The following CTNS variants were observed in gnomAD, a reference collection of about 807,000 sequenced individuals.
CTNS encodes the protein cystinosin, lysosomal cystine transporter, also known as cystinosin.
Under a neutral mutation model 43.7 loss-of-function variants are expected in CTNS, and 27 were observed. That is an observed-to-expected ratio of 0.62 (90% CI 0.46 to 0.85). CTNS has a LOEUF of 0.85. Ranked by LOEUF, CTNS falls within the 40% of genes least tolerant of loss-of-function variation. The probability of loss-of-function intolerance (pLI) is 0.00; values close to 1 mark genes in which losing one functional copy is unlikely to be tolerated. For missense variants in CTNS, 457 were observed against 475.4 expected (o/e 0.96, Z 0.36); for synonymous variants, 187 against 190.6 (o/e 0.98, Z 0.16).
At chr17:3,636,465 T>C (rs2075532271), upstream of CTNS, 2 of 476,678 alleles carry the variant, frequency 4.2e-6, no homozygotes, top group Non-Finnish European at 7.4e-6. Flanking sequence ...CCCCACGGGC[T>C]CTGATTTCCG....
Position 3,643,117 on chromosome 17 carries a change from A to G in CTNS, c.61+2850A>G, listed in dbSNP as rs571437485. Among the ~76,000 whole-genome samples the G allele has an allele frequency of 2.6e-5, 4 of 152,018 alleles. No individual in the cohort carries two copies. The South Asian group carries it at 8.3e-4, about 32-fold the overall frequency. On this transcript the variant is annotated intron_variant, in intron 3 of 11. Transcript: ENST00000046640. Reference sequence around the variant, plus strand: ...ATCACAAGGTCAGGAGATCGAGACTATCCTGGCTAACATGGTGAAATCCCG... The same window carrying G: ...ATCACAAGGTCAGGAGATCGAGACTGTCCTGGCTAACATGGTGAAATCCCG...
intron 10 of CTNS, 81 bp from the exon 11 acceptor site, chr17:3,659,777 T>C (rs887309327): frequency 2.1e-5 from 21 of 994,676 alleles, no homozygotes; most frequent in East Asian, 1.2e-4. Flanking sequence ...CGCTTTTGTT[T>C]GGAGGGGCAG....
chr17:3,641,887 C>G (rs756745086), intron 3 of CTNS, among the ~76,000 whole-genome samples: 3 of 152,084 alleles, frequency 2.0e-5, no homozygotes, highest in Non-Finnish European at 4.4e-5. Flanking sequence ...AAGCAATTTC[C>G]GGGAAAGGCA....
chr17:3,648,848 C>T lies in CTNS; in HGVS notation c.142C>T (p.Pro48Ser). The T allele has an allele frequency of 6.2e-7, 1 of 1,612,620 alleles. No homozygotes were observed. The highest frequency in any genetic ancestry group is 8.5e-7 in the Non-Finnish European group (1 of 1,178,570). The change falls in exon 5 of 12, where the codon CCA becomes TCA. Residue 48 changes from proline (P) to serine (S), a missense_variant and splice_region_variant. Transcript: ENST00000046640. ...SSTNVSLTLR[P>S]PLNATLVITF... ...TAATTAGACTCTTGTCCTCCACAGG[C>T]CACCATTAAATGCAACCCTGGTGAT...
At position 3,660,462 on chromosome 17, in the gene CTNS, C is replaced by A; in HGVS notation, c.*93C>A. 1 of 1,613,194 alleles carries A rather than the reference C, an allele frequency of 6.2e-7. No homozygotes were observed. On this transcript the variant is annotated 3_prime_UTR_variant, in exon 12 of 12. Transcript: ENST00000046640. The stretch of plus-strand genomic sequence containing the variant: ...GGCCGGAGAAGCGGTTGGGCCCTGG[C>A]ACACAGGGCTGGCTCAGTGTGCGGA...
intron 2 of CTNS, among the ~76,000 whole-genome samples, chr17:3,637,757 G>A (rs369573204): frequency 2.7e-4 from 41 of 152,150 alleles, no homozygotes; most frequent in Admixed American, 7.2e-4. Flanking sequence ...GTGAGCCACC[G>A]CGCCCAGCCT....
intron 9 of CTNS, chr17:3,657,752 C>G: frequency 1.8e-6 from 1 of 567,792 alleles, no homozygotes; most frequent in Non-Finnish European, 3.2e-6. Flanking sequence ...GCAGCCTGAA[C>G]AGGAGGCCCT....
At position 3,660,614 on chromosome 17, in the gene CTNS, A is replaced by C. The variant is rs1442092361; in HGVS notation, c.*245A>C. On this transcript the variant is annotated 3_prime_UTR_variant, in exon 12 of 12. Transcript: ENST00000046640. The stretch of plus-strand genomic sequence containing the variant: ...CTTGACACCGCCATCTCTTTTCTTT[A>C]AGGCTTCAGGCAGCGCGCACAGGCT... The C allele has an allele frequency of 6.2e-7, 1 of 1,613,438 alleles. No homozygotes were observed. The highest frequency in any genetic ancestry group is 1.1e-5 in the South Asian group (1 of 91,084).
chr17:3,657,841 C>T (rs2076190096), intron 9 of CTNS, 164 bp from the exon 10 acceptor site: 1 of 704,076 alleles, frequency 1.4e-6, no homozygotes, highest in African/African-American at 1.8e-5. Flanking sequence ...CCACATGTTC[C>T]CCTGCCACAA....
chr17:3,655,654 G>A (rs1004308159), intron 7 of CTNS: 8 of 425,774 alleles, frequency 1.9e-5, no homozygotes, highest in East Asian at 5.2e-5. Flanking sequence ...TCTCCTCTGC[G>A]CTGGGTCCAT....
In CTNS at chr17:3,647,514, C is replaced by T. The variant is rs756058217; in HGVS notation, c.132C>T (p.Leu44=). Residue 44 remains leucine (L), a synonymous_variant, in exon 4 of 12, where the codon CTC becomes CTT. Coordinates refer to ENST00000046640, the MANE Select transcript of CTNS (RefSeq NM_004937.3). ...ACGGCAGCTCGACCAACGTCAGCCTCACCCTGCGGTAAGTTCCTGGGCCTG... is the reference window on the plus strand; with the variant it reads ...ACGGCAGCTCGACCAACGTCAGCCTTACCCTGCGGTAAGTTCCTGGGCCTG... ...LENGSSTNVS[L]TLRPPLNATL... 10 of 1,614,098 alleles carry T rather than the reference C, an allele frequency of 6.2e-6. No homozygotes were observed. The highest frequency in any genetic ancestry group is 1.6e-4 in the Middle Eastern group (1 of 6,062).
chr17:3,645,577 G>A (rs961624530), intron 3 of CTNS, among the ~76,000 whole-genome samples: 2 of 151,946 alleles, frequency 1.3e-5, no homozygotes, highest in African/African-American at 2.4e-5. Context: ...GTTTCCTTCC[G>A]GGCCAGGTAT....
intron 3 of CTNS, among the ~76,000 whole-genome samples, chr17:3,643,967 G>A (rs768499840): frequency 2.4e-4 from 36 of 152,110 alleles, no homozygotes; most frequent in Non-Finnish European, 3.7e-4. Context: ...TGAGCCTGGC[G>A]GGGTCAAAGC....
intron 7 of CTNS, chr17:3,655,602 T>G: frequency 2.1e-6 from 1 of 481,864 alleles, no homozygotes; most frequent in Non-Finnish European, 3.8e-6. Context: ...CTCCTTAGTT[T>G]AGTGGAGAAT....
At chr17:3,645,646 T>C (rs1167185821) in intron 3 of CTNS, among the ~76,000 whole-genome samples, 1 of 151,892 alleles carries the variant, frequency 6.6e-6, no homozygotes, top group Non-Finnish European at 1.5e-5. Flanking sequence ...GATCACCTGA[T>C]GTCAGGAGTT....
intron 3 of CTNS, among the ~76,000 whole-genome samples, chr17:3,640,719 G>T (rs1015714771): frequency 6.6e-6 from 1 of 152,204 alleles, no homozygotes; most frequent in South Asian, 2.1e-4. Context: ...GCAACGTAGT[G>T]AAACCCCATG....
At chr17:3,648,383 G>T (rs1404424594) in intron 4 of CTNS, among the ~76,000 whole-genome samples, 1 of 152,232 alleles carries the variant, frequency 6.6e-6, no homozygotes, top group Non-Finnish European at 1.5e-5. Flanking sequence ...GGGCCCAGAA[G>T]ACGGCTTCCA....
At chr17:3,654,056 G>T (rs1326582853) in intron 5 of CTNS, among the ~76,000 whole-genome samples, 1 of 152,158 alleles carries the variant, frequency 6.6e-6, no homozygotes, top group Non-Finnish European at 1.5e-5. Context: ...TGGCAGCCAG[G>T]CTGGCACAGG....
chr17:3,651,533 G>A (rs2075982340), intron 5 of CTNS, among the ~76,000 whole-genome samples: 1 of 152,234 alleles, frequency 6.6e-6, no homozygotes, highest in Admixed American at 6.5e-5. Flanking sequence ...GGAGGCTGGA[G>A]GAAGCAAGCA....
Sources: gnomAD v4.1 joint callset for allele counts (sites outside exome capture counted in the v4.1 genomes callset) on GRCh38, gnomAD v4.1.1 for gene constraint, MANE v1.5 for transcripts, NCBI Gene and HGNC (gene_info 2026-07-23, HGNC 2026-07-21) for gene names.